Variants in PRKG1 observed in about 807,000 individuals in gnomAD.
The protein encoded by PRKG1 is cGMP-dependent protein kinase 1.
A neutral mutation model predicts 88.1 loss-of-function variants in PRKG1; 35 were observed. That is an observed-to-expected ratio of 0.40 (90% CI 0.30 to 0.53). PRKG1 has a LOEUF of 0.53. PRKG1 is among the 20% of genes least tolerant of loss of function. The pLI, the probability that PRKG1 is intolerant of heterozygous loss-of-function variation, is 0.59. For missense variants in PRKG1, 540 were observed against 839.8 expected (o/e 0.64, Z 4.41); for synonymous variants, 303 against 292.5 (o/e 1.04, Z -0.37).
chr10:51,644,980 G>C (rs1199090744), intron 3 of PRKG1, among the ~76,000 whole-genome samples: 6 of 152,040 alleles, frequency 3.9e-5, no homozygotes, highest in Non-Finnish European at 7.4e-5. Flanking sequence ...TAGAGATGGG[G>C]TTTCATCATA....
In PRKG1 at chr10:51,236,660, G is replaced by A. The variant is rs148599732; in HGVS notation, c.478+83330G>A. 5.5e-3 allele frequency among the ~76,000 whole-genome samples: 833 copies of A among 152,050 alleles called. 2 individuals carry two copies. The highest frequency in any genetic ancestry group is 0.01 in the Middle Eastern group (3 of 294). On this transcript the variant is annotated intron_variant, in intron 2 of 17. Coordinates refer to ENST00000373980, the MANE Select transcript of PRKG1 (RefSeq NM_006258.4). ...TGAGACTACAGGTGTGCGCCACCAT[G>A]CCCAGCTAATTTTTGTATTTTTAGT...
chr10:51,374,082 C>CAA (rs769407143), intron 2 of PRKG1, among the ~76,000 whole-genome samples: 4,713 of 95,522 alleles, frequency 0.049, 378 homozygotes, highest in East Asian at 0.13. Context: ...GCAGAGGTTG[C>CAA]AAAAAAAAAA....
chr10:51,927,839 AGG>A (rs1290732235), intron 5 of PRKG1, among the ~76,000 whole-genome samples: 1 of 152,196 alleles, frequency 6.6e-6, no homozygotes, highest in Non-Finnish European at 1.5e-5. Flanking sequence ...TTTCCATTTA[AGG>A]CAGGAGTCAG....
chr10:52,121,870 G>A (rs896052387), intron 7 of PRKG1, among the ~76,000 whole-genome samples: 6 of 152,090 alleles, frequency 3.9e-5, no homozygotes, highest in South Asian at 2.1e-4. Flanking sequence ...CAGCAGTCTC[G>A]ATTTTTTTCC....
upstream of PRKG1, among the ~76,000 whole-genome samples, chr10:51,073,895 A>T (rs1205956670): frequency 1.3e-5 from 2 of 152,116 alleles, no homozygotes; most frequent in South Asian, 4.1e-4. Flanking sequence ...CAGCTCGGCC[A>T]CACCGCTCGG....
chr10:51,512,958 T>C (rs1041112317), intron 3 of PRKG1, among the ~76,000 whole-genome samples: 1 of 139,930 alleles, frequency 7.1e-6, no homozygotes, highest in African/African-American at 2.7e-5. Context: ...ATGATGAGCA[T>C]TTTTTCATGT....
At chr10:51,171,555 A>G (rs1363725466) in intron 2 of PRKG1, among the ~76,000 whole-genome samples, 1 of 152,122 alleles carries the variant, frequency 6.6e-6, no homozygotes, top group Non-Finnish European at 1.5e-5. Flanking sequence ...GGGAAGAAAG[A>G]TAAATGACAG....
chr10:51,369,952 T>A (rs532226386), intron 2 of PRKG1, among the ~76,000 whole-genome samples: 2 of 152,310 alleles, frequency 1.3e-5, no homozygotes, highest in South Asian at 4.1e-4. Flanking sequence ...AGTTTATTGT[T>A]TACTTTTTTC....
intron 3 of PRKG1, among the ~76,000 whole-genome samples, chr10:51,602,760 G>C (rs1482643431): frequency 7.5e-6 from 1 of 132,496 alleles, no homozygotes; most frequent in African/African-American, 3.6e-5. Context: ...GTGTGTGTGT[G>C]TGTGTGTGTG....
chr10:51,502,405 G>A (rs894076952), intron 3 of PRKG1, among the ~76,000 whole-genome samples: 4 of 152,050 alleles, frequency 2.6e-5, no homozygotes, highest in African/African-American at 7.2e-5. Flanking sequence ...ACACATCTAG[G>A]TTATATATGA....
chr10:51,014,318 CTTT>C (rs71029340), intron 1 of PRKG1, among the ~76,000 whole-genome samples: 16 of 137,956 alleles, frequency 1.2e-4, no homozygotes, highest in Admixed American at 7.3e-5. Context: ...CAGGCATTCT[CTTT>C]TTTTTTTTTT....
chr10:51,933,718 G>T (rs911572808), intron 5 of PRKG1, among the ~76,000 whole-genome samples: 2 of 151,790 alleles, frequency 1.3e-5, no homozygotes, highest in Non-Finnish European at 2.9e-5. Flanking sequence ...ATGTCATAAG[G>T]TTATTGTGAG....
chr10:51,661,282 C>T (rs1288767777), intron 3 of PRKG1, among the ~76,000 whole-genome samples: 1 of 152,094 alleles, frequency 6.6e-6, no homozygotes, highest in Non-Finnish European at 1.5e-5. Context: ...ACCATTGCTT[C>T]CAGTGTGTTT....
intron 3 of PRKG1, among the ~76,000 whole-genome samples, chr10:51,757,997 T>A (rs1484048598): frequency 6.6e-6 from 1 of 152,182 alleles, no homozygotes; most frequent in Non-Finnish European, 1.5e-5. Flanking sequence ...TTTGTTCCTT[T>A]ATATGTAAGT....
chr10:52,026,995 C>T (rs112060292), intron 5 of PRKG1, among the ~76,000 whole-genome samples: 1 of 151,782 alleles, frequency 6.6e-6, no homozygotes, highest in Non-Finnish European at 1.5e-5. Context: ...TAAAAAGAGG[C>T]GAATTTCGTG....
At chr10:52,062,939 G>T in intron 7 of PRKG1, 1 of 627,000 alleles carries the variant, frequency 1.6e-6, no homozygotes, top group Non-Finnish European at 2.9e-6. Flanking sequence ...GCTAAACTTT[G>T]TGCAATGATT....
At chr10:51,816,461 A>T (rs765100920) in intron 4 of PRKG1, among the ~76,000 whole-genome samples, 7 of 152,110 alleles carry the variant, frequency 4.6e-5, no homozygotes, top group African/African-American at 1.7e-4. Flanking sequence ...TTACAAATAT[A>T]TTGAAAATAT....
intron 3 of PRKG1, among the ~76,000 whole-genome samples, chr10:51,643,750 A>T (rs1156617095): frequency 6.6e-6 from 1 of 152,180 alleles, no homozygotes; most frequent in Non-Finnish European, 1.5e-5. Context: ...ATAGTTCTCT[A>T]GTACTTCTAA....
chr10:51,814,799 C>A (rs1240681144), intron 4 of PRKG1, among the ~76,000 whole-genome samples: 1 of 152,078 alleles, frequency 6.6e-6, no homozygotes, highest in African/African-American at 2.4e-5. Flanking sequence ...ACAATGTAAT[C>A]TCAGATATTT....
Sources: allele counts gnomAD v4.1 joint callset (sites outside exome capture counted in the v4.1 genomes callset), GRCh38; gene constraint gnomAD v4.1.1; transcripts MANE v1.5; gene names NCBI Gene and HGNC (gene_info 2026-07-23, HGNC 2026-07-21).